CPXM2: variants seen among roughly 807,000 people sequenced by gnomAD.
CPXM2 encodes the protein inactive carboxypeptidase-like protein X2.
In CPXM2, 66 loss-of-function variants were observed where a neutral mutation model predicts 86.1. That is an observed-to-expected ratio of 0.77 (90% confidence interval 0.63 to 0.94). The LOEUF (loss-of-function observed/expected upper bound fraction) is 0.94, where lower values mean the gene tolerates loss of function less well. Ranked by LOEUF, CPXM2 falls within the 40% of genes least tolerant of loss-of-function variation. CPXM2 has a pLI of 0.00. For synonymous variants in CPXM2, 388 were observed against 400.2 expected, an observed-to-expected ratio of 0.97 and a Z score of 0.36; for missense variants, 948 against 1,026.3, an observed-to-expected ratio of 0.92 and a Z score of 1.04.
intron 11 of CPXM2, among the ~76,000 whole-genome samples, chr10:123,759,997 A>G (rs2133983982): frequency 6.6e-6 from 1 of 152,352 alleles, no homozygotes; most frequent in Non-Finnish European, 1.5e-5. Context: ...AAAGGAAATT[A>G]CAAGTCACAT....
At chr10:123,764,363 G>A (rs1475202118) in intron 10 of CPXM2, among the ~76,000 whole-genome samples, 1 of 152,180 alleles carries the variant, frequency 6.6e-6, no homozygotes, top group East Asian at 1.9e-4. Flanking sequence ...AATTTGGCGA[G>A]ATAGTATTGT....
At chr10:123,757,544 G>T (rs1846243215) in intron 11 of CPXM2, among the ~76,000 whole-genome samples, 192 bp from the exon 12 acceptor site, 1 of 152,238 alleles carries the variant, frequency 6.6e-6, no homozygotes, top group African/African-American at 2.4e-5. Flanking sequence ...AGTTTGGAGA[G>T]AAGATGCAGC....
At chr10:123,786,815 G>A (rs886821426) in intron 6 of CPXM2, among the ~76,000 whole-genome samples, 4 of 152,204 alleles carry the variant, frequency 2.6e-5, no homozygotes, top group East Asian at 1.9e-4. Flanking sequence ...CTGAGACGTC[G>A]CCTCCTCTAT....
intron 10 of CPXM2, among the ~76,000 whole-genome samples, chr10:123,764,738 A>T (rs1846428875): frequency 6.6e-6 from 1 of 152,054 alleles, no homozygotes; most frequent in African/African-American, 2.4e-5. Context: ...CTGCCTGTCT[A>T]AGCCTCCCAA....
chr10:123,896,433 A>G (rs975183037), upstream of CPXM2, among the ~76,000 whole-genome samples: 5 of 152,158 alleles, frequency 3.3e-5, no homozygotes. Context: ...CTGTGTTGAG[A>G]TGTGATAGTT....
chr10:123,793,847 G>T (rs1397056656), intron 6 of CPXM2, among the ~76,000 whole-genome samples: 1 of 152,158 alleles, frequency 6.6e-6, no homozygotes, highest in Admixed American at 6.5e-5. Flanking sequence ...AAATGGAAGG[G>T]AGCAAAGCAA....
At chr10:123,835,089 C>T (rs1848251122) in intron 4 of CPXM2, among the ~76,000 whole-genome samples, 1 of 152,162 alleles carries the variant, frequency 6.6e-6, no homozygotes, top group South Asian at 2.1e-4. Flanking sequence ...TCAGATATTC[C>T]TCTATAGCAA....
At position 123,844,664 on chromosome 10, in the gene CPXM2, A is replaced by C. The variant is rs1195973579; in HGVS notation, c.514-2176T>G. On this transcript the variant is annotated intron_variant, in intron 3 of 13. Coordinates refer to ENST00000241305, the MANE Select transcript of CPXM2 (RefSeq NM_198148.3). ...AGCAAAGAAAGCAAGACACAGAAAT[A>C]CAACTTTGATCTCTGATAAAACCAA... is the stretch of plus-strand genomic sequence containing the variant. Among the ~76,000 whole-genome samples the C allele has an allele frequency of 5.9e-5, 9 of 152,346 alleles. No homozygotes were observed. In the East Asian group the frequency reaches 1.7e-3, roughly 29 times the overall value.
chr10:123,917,836 A>C (rs1945546198), intron 2 of CPXM2, among the ~76,000 whole-genome samples: 1 of 152,212 alleles, frequency 6.6e-6, no homozygotes. Flanking sequence ...TGTGCTATAT[A>C]ACTTATTCAA....
chr10:123,835,997 C>T (rs900238782), intron 4 of CPXM2, among the ~76,000 whole-genome samples: 1 of 152,168 alleles, frequency 6.6e-6, no homozygotes, highest in Non-Finnish European at 1.5e-5. Flanking sequence ...GACCAAGGTC[C>T]TCCAGCTGCT....
At chr10:123,876,960 CAA>C (rs1944998656) in intron 2 of CPXM2, among the ~76,000 whole-genome samples, 2 of 152,284 alleles carry the variant, frequency 1.3e-5, no homozygotes, top group Admixed American at 1.3e-4. Context: ...GTAACTTATC[CAA>C]AGTCTCAAGT....
At chr10:123,888,123 C>T (rs1183898100) in intron 1 of CPXM2, among the ~76,000 whole-genome samples, 2 of 152,180 alleles carry the variant, frequency 1.3e-5, no homozygotes, top group Non-Finnish European at 2.9e-5. Context: ...ATCAAATCCC[C>T]AATGCCCTTG....
rs373012577 is a variant in CPXM2, at chr10:123,767,698, C to T, written c.1300-546G>A. On this transcript the variant is annotated intron_variant, in intron 9 of 13. Coordinates refer to ENST00000241305, the MANE Select transcript of CPXM2 (RefSeq NM_198148.3). ...GAGATATATCACTGTCAATACACAACACAACATAATACTAACTATATGTTC... is the reference window on the plus strand; with the variant it reads ...GAGATATATCACTGTCAATACACAATACAACATAATACTAACTATATGTTC... Among the ~76,000 whole-genome samples the T allele has an allele frequency of 1.1e-4, 16 of 152,340 alleles. No individual in the cohort carries two copies. In the East Asian group the frequency reaches 1.7e-3, roughly 17 times the overall value.
intron 4 of CPXM2, 58 bp from the exon 5 acceptor site, chr10:123,799,257 G>C (rs1412625223): frequency 1.9e-6 from 3 of 1,603,246 alleles, no homozygotes; most frequent in Non-Finnish European, 2.6e-6. Flanking sequence ...GTTCTTCCAT[G>C]AAGAGGTTTA....
At chr10:123,798,625 G>T (rs1366097903) in intron 5 of CPXM2, among the ~76,000 whole-genome samples, 1 of 152,120 alleles carries the variant, frequency 6.6e-6, no homozygotes, top group African/African-American at 2.4e-5. Context: ...GAGAAAGAAG[G>T]TTGAAAAAGG....
At chr10:123,749,980 T>A (rs868722919) in intron 13 of CPXM2, 9 of 263,550 alleles carry the variant, frequency 3.4e-5, no homozygotes, top group African/African-American at 2.0e-4. Context: ...TAATTTTTGT[T>A]TTTTTTTTTT....
chr10:123,794,600 A>T lies in CPXM2; in HGVS notation c.889+3376T>A, dbSNP rs540444422. Among the ~76,000 whole-genome samples, 37 of 152,250 alleles carry T rather than the reference A, an allele frequency of 2.4e-4. 1 individual carries two copies. Among genetic ancestry groups the T allele is most frequent in the Middle Eastern group, 3.4e-3 (1 of 294 alleles). ...TTATTGTTAAAATTTTATCTTCAGA[A>T]ATCTCCCCAGGTTCTGATAAGCATA... On this transcript the variant is annotated intron_variant, in intron 6 of 13. Coordinates refer to ENST00000241305, the MANE Select transcript of CPXM2 (RefSeq NM_198148.3).
chr10:123,813,534 A>G (rs1434878026), intron 4 of CPXM2, among the ~76,000 whole-genome samples: 1 of 152,152 alleles, frequency 6.6e-6, no homozygotes, highest in African/African-American at 2.4e-5. Context: ...ATGCGTAGTA[A>G]TTGTTCTTGG....
At chr10:123,776,927 T>C (rs1846805750) in intron 7 of CPXM2, 1 of 152,248 alleles carries the variant, frequency 6.6e-6, no homozygotes, top group Non-Finnish European at 1.5e-5. Context: ...TTGTTTGTCT[T>C]TTAAAGAGGA....
Sources: allele counts gnomAD v4.1 joint callset (sites outside exome capture counted in the v4.1 genomes callset), GRCh38; gene constraint gnomAD v4.1.1; transcripts MANE v1.5; gene names NCBI Gene and HGNC (gene_info 2026-07-23, HGNC 2026-07-21).